FOXN1: variants seen among roughly 807,000 people sequenced by gnomAD.
FOXN1 encodes forkhead box N1, also known as forkhead box protein N1.
In FOXN1, 15 loss-of-function variants were observed where a neutral mutation model predicts 49.0. The ratio of observed to expected loss-of-function variants is 0.31; its 90% CI spans 0.20 to 0.47. The LOEUF is 0.47. Ranked by LOEUF, FOXN1 falls within the 20% of genes least tolerant of loss-of-function variation. FOXN1 has a pLI of 1.00. For synonymous variants in FOXN1, 356 were observed against 369.0 expected (o/e 0.96, Z 0.40); for missense variants, 800 against 842.8 (o/e 0.95, Z 0.63).
chr17:28,507,748 G>C (rs2069294854), intron 1 of FOXN1, among the ~76,000 whole-genome samples: 1 of 152,168 alleles, frequency 6.6e-6, no homozygotes, highest in African/African-American at 2.4e-5. Context: ...ACCGGGCTTG[G>C]CTCAGAACCT....
rs2069442973 is a variant in FOXN1, at chr17:28,513,925, G to A, written c.-15+7482G>A. Reference sequence around the variant, plus strand: ...GGCAAAGGAGAGTGGGAGACTGGTTGCTGTTGGAGTCAGGCATCTGAAGCA... The same window carrying A: ...GGCAAAGGAGAGTGGGAGACTGGTTACTGTTGGAGTCAGGCATCTGAAGCA... On this transcript the variant is annotated intron_variant, in intron 1 of 8. Coordinates refer to ENST00000579795, the MANE Select transcript of FOXN1 (RefSeq NM_001369369.1). 2.6e-5 allele frequency among the ~76,000 whole-genome samples: 4 copies of A among 152,360 alleles called. No individual in the cohort carries two copies. The South Asian group carries it at 8.3e-4, about 32-fold the overall frequency.
In FOXN1 at chr17:28,523,910, CA is replaced by C. The variant is rs573288127; in HGVS notation, c.-14-45del. 5.1e-4 allele frequency: 828 copies of C among 1,610,168 alleles called. 5 individuals carry two copies. In the African/African-American group the frequency reaches 9.6e-3, roughly 19 times the overall value. ...GAGGTGGCGAACCTGGGTTGGTCCC[CA>C]CTGGATGCTGGTCCTCACTCTCATG... is the stretch of plus-strand genomic sequence containing the variant. On this transcript the variant is annotated intron_variant, in intron 1 of 8. Coordinates refer to ENST00000579795, the MANE Select transcript of FOXN1 (RefSeq NM_001369369.1).
chr17:28,520,764 G>A (rs897359312), intron 1 of FOXN1, among the ~76,000 whole-genome samples: 3 of 152,214 alleles, frequency 2.0e-5, no homozygotes, highest in Non-Finnish European at 4.4e-5. Context: ...GGATCATTCT[G>A]GGCAGGCCAG....
chr17:28,512,950 G>C (rs2069423565), intron 1 of FOXN1, among the ~76,000 whole-genome samples: 1 of 152,182 alleles, frequency 6.6e-6, no homozygotes, highest in African/African-American at 2.4e-5. Context: ...GACTAGCAGA[G>C]GAGAGAAGGG....
At chr17:28,519,351 G>A (rs2069593670) in intron 1 of FOXN1, among the ~76,000 whole-genome samples, 1 of 152,044 alleles carries the variant, frequency 6.6e-6, no homozygotes, top group African/African-American at 2.4e-5. Flanking sequence ...AAGTGCAGAG[G>A]AAACTTCAGA....
In FOXN1 at chr17:28,524,926, G is replaced by A. The variant is rs758422805; in HGVS notation, c.547G>A (p.Gly183Arg). Reference protein sequence around the residue: ...PGFSAEAWCNGLPYPSQEHGP... With the variant: ...PGFSAEAWCNRLPYPSQEHGP... ...CTTCTCAGCAGAGGCCTGGTGTAAC[G>A]GGCTCCCCTACCCCAGCCAGGAGCA... is the stretch of plus-strand genomic sequence containing the variant. The change falls in exon 3 of 9, where the codon GGG (glycine) becomes AGG (arginine). Residue 183 changes from glycine (G) to arginine (R), a missense_variant. This residue lies in a region of FOXN1 where 383 missense variants were observed against 357.9 expected (regional missense o/e 1.07). Coordinates refer to ENST00000579795, the MANE Select transcript of FOXN1 (RefSeq NM_001369369.1). 36 of 1,612,434 alleles carry A rather than the reference G, an allele frequency of 2.2e-5. No individual in the cohort carries two copies. The highest frequency in any genetic ancestry group is 1.1e-4 in the South Asian group (10 of 91,034).
chr17:28,507,733 T>A (rs1263905811), intron 1 of FOXN1, among the ~76,000 whole-genome samples: 1 of 152,150 alleles, frequency 6.6e-6, no homozygotes, highest in Non-Finnish European at 1.5e-5. Context: ...TGCAGTCCTG[T>A]CCCCACCGGG....
At chr17:28,531,341 A>G (rs1306469894) in intron 6 of FOXN1, among the ~76,000 whole-genome samples, 1 of 152,162 alleles carries the variant, frequency 6.6e-6, no homozygotes, top group Non-Finnish European at 1.5e-5. Context: ...TCTGCCAGAA[A>G]GCGGGGTGTG....
At chr17:28,521,068 T>A (rs2151483575) in intron 1 of FOXN1, among the ~76,000 whole-genome samples, 1 of 152,346 alleles carries the variant, frequency 6.6e-6, no homozygotes, top group South Asian at 2.1e-4. Flanking sequence ...TCGAGCATTT[T>A]CCCTGTGCCA....
chr17:28,510,319 T>G (rs1555606814), intron 1 of FOXN1, among the ~76,000 whole-genome samples: 1 of 145,766 alleles, frequency 6.9e-6, no homozygotes, highest in Admixed American at 6.8e-5. Flanking sequence ...CCCAGACACA[T>G]GCACAGAGAT....
chr17:28,521,661 C>T (rs1000390494), intron 1 of FOXN1, among the ~76,000 whole-genome samples: 3 of 152,234 alleles, frequency 2.0e-5, no homozygotes, highest in Admixed American at 6.5e-5. Flanking sequence ...CTTGAAGGGG[C>T]GGGAGAGCCT....
chr17:28,533,339 C>T (rs374046908), intron 6 of FOXN1, among the ~76,000 whole-genome samples: 124 of 152,216 alleles, frequency 8.1e-4, no homozygotes, highest in Admixed American at 2.4e-3. Context: ...TGGAGGTGGG[C>T]GGGCAGGGGG....
At position 28,524,637 on chromosome 17, in the gene FOXN1, C is replaced by T. The variant is rs1390351192; in HGVS notation, c.258C>T (p.Pro86=). 11 of 1,613,568 alleles carry T rather than the reference C, an allele frequency of 6.8e-6. No individual in the cohort carries two copies. Among genetic ancestry groups the T allele is most frequent in the Middle Eastern group, 1.6e-4 (1 of 6,084 alleles). The change falls in exon 3 of 9, where the codon CCC becomes CCT. Residue 86 remains proline (P), a synonymous_variant. Coordinates refer to ENST00000579795, the MANE Select transcript of FOXN1 (RefSeq NM_001369369.1). ...EQVQGHCPAG[P]GPGPFRLSPS... Reference sequence around the variant, plus strand: ...TCCAGGGCCACTGCCCAGCCGGCCCCGGCCCTGGGCCCTTCAGGCTCTCAC... The same window carrying T: ...TCCAGGGCCACTGCCCAGCCGGCCCTGGCCCTGGGCCCTTCAGGCTCTCAC...
At chr17:28,532,160 G>A (rs2069930662) in intron 6 of FOXN1, among the ~76,000 whole-genome samples, 2 of 152,108 alleles carry the variant, frequency 1.3e-5, no homozygotes, top group African/African-American at 4.8e-5. Flanking sequence ...CCAGCTCCCG[G>A]CCTGGCCCCC....
rs142767421 is a variant in FOXN1, at chr17:28,518,951, G to C, written c.-14-5005G>C. Among the ~76,000 whole-genome samples, 1,112 of 152,250 alleles carry C rather than the reference G, an allele frequency of 7.3e-3. 8 individuals are homozygous for C. The highest frequency in any genetic ancestry group is 0.02 in the Middle Eastern group (6 of 294). On this transcript the variant is annotated intron_variant, in intron 1 of 8. Transcript: ENST00000579795. ...AATGTTCACCAGTCAGCTTTCAAAA[G>C]TAAATAAATCATAATGTTTAAAAAG... is the stretch of plus-strand genomic sequence containing the variant.
At position 28,529,157 on chromosome 17, in the gene FOXN1, C is replaced by A; in HGVS notation, c.763C>A (p.Arg255=). Residue 255 remains arginine, a synonymous_variant, in exon 5 of 9, where the codon CGA becomes AGA. Coordinates refer to ENST00000579795, the MANE Select transcript of FOXN1 (RefSeq NM_001369369.1). ...YLGSSHYQYQ[R]MAPQASTDGH... The stretch of plus-strand genomic sequence containing the variant: ...GGGCTCCTCACACTATCAGTACCAG[C>A]GAATGGCACCCCAGGCCAGCACCGA... The A allele has an allele frequency of 6.2e-7, 1 of 1,614,170 alleles. No homozygotes were observed. Among genetic ancestry groups the A allele is most frequent in the Non-Finnish European group, 8.5e-7 (1 of 1,180,006 alleles).
rs1453224159 is a variant in FOXN1, at chr17:28,535,112, C to T, written c.1541C>T (p.Thr514Ile). ...KLLAEPSPARTMHDTLLPDGD... is the reference protein window; with the variant it reads ...KLLAEPSPARIMHDTLLPDGD... ...CTGGCCGAGCCTTCCCCAGCCAGGA[C>T]TATGCACGACACCCTGCTGCCAGAT... is the stretch of plus-strand genomic sequence containing the variant. Residue 514 changes from threonine (T) to isoleucine (I), a missense_variant, in exon 8 of 9, where the codon ACT becomes ATT. Physicochemically the swap from Thr to Ile is moderately conservative, Grantham distance 89 (BLOSUM62 -1). This residue lies in a region of FOXN1 where 344 missense variants were observed against 366.1 expected (regional missense o/e 0.94). Transcript: ENST00000579795. The T allele has an allele frequency of 2.5e-6, 4 of 1,608,368 alleles. No individual in the cohort carries two copies. The highest frequency in any genetic ancestry group is 2.2e-5 in the East Asian group (1 of 44,766).
At chr17:28,535,492 G>A (rs768200484) in intron 8 of FOXN1, among the ~76,000 whole-genome samples, 36 of 152,362 alleles carry the variant, frequency 2.4e-4, no homozygotes, top group Non-Finnish European at 2.2e-4. Flanking sequence ...GCTCACGCCT[G>A]TAATCCCAGC....
At position 28,537,564 on chromosome 17, in the gene FOXN1, G is replaced by T. The variant is rs563678210; in HGVS notation, c.*128G>T. 8.2e-5 allele frequency: 62 copies of T among 754,004 alleles called. 1 individual carries two copies. The South Asian group carries it at 9.0e-4, about 11-fold the overall frequency. 46.7% of individuals were successfully genotyped at this position (754,004 alleles called of 1,614,324 possible). A position where few individuals can be genotyped will look rare whatever the true frequency, so the allele number is the denominator to read the frequency against. On this transcript the variant is annotated 3_prime_UTR_variant, in exon 9 of 9. Coordinates refer to ENST00000579795, the MANE Select transcript of FOXN1 (RefSeq NM_001369369.1). ...CTGTCCCCTATGCCACTAAGCCAACGTGTGTGTCAGCTGGTAGCTGGGGGC... is the reference window on the plus strand; with the variant it reads ...CTGTCCCCTATGCCACTAAGCCAACTTGTGTGTCAGCTGGTAGCTGGGGGC...
Sources: allele counts gnomAD v4.1 joint callset (sites outside exome capture counted in the v4.1 genomes callset), GRCh38; gene constraint gnomAD v4.1.1; regional missense constraint gnomAD v4.1.1; transcripts MANE v1.5; gene names NCBI Gene and HGNC (gene_info 2026-07-23, HGNC 2026-07-21).